ETNK1: variants seen among roughly 807,000 people sequenced by gnomAD.
ETNK1 encodes the protein ethanolamine kinase 1, also known as putative protein product of Nbla10396.
ETNK1 carries 8 observed loss-of-function variants against 45.1 expected under a neutral mutation model. The observed-to-expected ratio is 0.18, with a 90% confidence interval of 0.10 to 0.32. ETNK1 has a LOEUF of 0.32. Ranked by LOEUF, ETNK1 falls within the 10% of genes least tolerant of loss-of-function variation. The pLI, the probability that ETNK1 is intolerant of heterozygous loss-of-function variation, is 1.00. For missense variants in ETNK1, 302 were observed against 430.6 expected (o/e 0.70, Z 2.64); for synonymous variants, 152 against 151.9 (o/e 1.00, Z -0.01).
At chr12:22,656,257 A>G (rs1158704240) in intron 2 of ETNK1, among the ~76,000 whole-genome samples, 1 of 152,204 alleles carries the variant, frequency 6.6e-6, no homozygotes, top group Non-Finnish European at 1.5e-5. Flanking sequence ...TCATCTTGAA[A>G]TATATATTTG....
At position 22,644,481 on chromosome 12, in the gene ETNK1, CAT is replaced by C. The variant is rs879567987; in HGVS notation, c.416+464_416+465del. 98 of 730,734 alleles carry C rather than the reference CAT, an allele frequency of 1.3e-4. No individual in the cohort carries two copies. In the Middle Eastern group the frequency reaches 2.9e-3, roughly 22 times the overall value. 45.3% of individuals were successfully genotyped at this position (730,734 alleles called of 1,614,324 possible). A position where few individuals can be genotyped will look rare whatever the true frequency, so the allele number is the denominator to read the frequency against. The stretch of plus-strand genomic sequence containing the variant: ...TTATGTTTTCTATAAAGAATAATGT[CAT>C]ATATGCTTGATCATTTTTCCAAAAT... On this transcript the variant is annotated intron_variant, in intron 2 of 7. Coordinates refer to ENST00000266517, the MANE Select transcript of ETNK1 (RefSeq NM_018638.5).
At position 22,661,064 on chromosome 12, in the gene ETNK1, T is replaced by G; in HGVS notation, c.559T>G (p.Phe187Val). The G allele has an allele frequency of 6.2e-7, 1 of 1,605,050 alleles. No homozygotes were observed. Among genetic ancestry groups the G allele is most frequent in the South Asian group, 1.1e-5 (1 of 88,742 alleles). ...GFADEDINKRFLSDIPSSQIL... is the reference protein window; with the variant it reads ...GFADEDINKRVLSDIPSSQIL... ...TAACTCTTCTTTTAAAACTAAAAGG[T>G]TCCTAAGTGATATCCCAAGCTCTCA... The change falls in exon 4 of 8, where the codon TTC becomes GTC. Residue 187 changes from phenylalanine to valine, a missense_variant and splice_region_variant. Phe to Val is a conservative substitution (Grantham distance 50). Around this residue, in one of 3 missense-constraint regions of ETNK1, gnomAD observed 205 missense variants for 259.9 expected, o/e 0.79. Transcript: ENST00000266517.
At chr12:22,678,758 T>C (rs1954185908) in intron 6 of ETNK1, among the ~76,000 whole-genome samples, 1 of 152,240 alleles carries the variant, frequency 6.6e-6, no homozygotes, top group Non-Finnish European at 1.5e-5. Flanking sequence ...TTGAAGTTCC[T>C]GGACACAAGA....
At chr12:22,629,763 A>G (rs1471833165) in intron 1 of ETNK1, among the ~76,000 whole-genome samples, 3 of 152,192 alleles carry the variant, frequency 2.0e-5, no homozygotes, top group Admixed American at 2.0e-4. Context: ...TAAACAATAT[A>G]TTAGTTTACT....
At chr12:22,645,198 A>C (rs1193469650) in intron 2 of ETNK1, among the ~76,000 whole-genome samples, 1 of 151,814 alleles carries the variant, frequency 6.6e-6, no homozygotes, top group Non-Finnish European at 1.5e-5. Flanking sequence ...TGGTTGACAA[A>C]TACCTATATA....
chr12:22,635,728 T>A (rs1294392879), intron 1 of ETNK1, among the ~76,000 whole-genome samples: 2 of 152,160 alleles, frequency 1.3e-5, no homozygotes, highest in African/African-American at 4.8e-5. Flanking sequence ...AACATAAAAA[T>A]TTATTATCTT....
At chr12:22,659,705 G>A (rs1174052658) in intron 3 of ETNK1, among the ~76,000 whole-genome samples, 2 of 152,116 alleles carry the variant, frequency 1.3e-5, no homozygotes, top group African/African-American at 4.8e-5. Flanking sequence ...TTAAAACAGT[G>A]CCTGGTCATC....
intron 4 of ETNK1, among the ~76,000 whole-genome samples, chr12:22,665,500 T>G (rs1954045368): frequency 6.6e-6 from 1 of 152,158 alleles, no homozygotes; most frequent in Non-Finnish European, 1.5e-5. Flanking sequence ...CAGCTCTTAG[T>G]TGTAGCTATT....
intron 2 of ETNK1, among the ~76,000 whole-genome samples, chr12:22,651,995 C>A (rs1953883466): frequency 6.6e-6 from 1 of 151,998 alleles, no homozygotes; most frequent in Non-Finnish European, 1.5e-5. Context: ...CAATTCTATG[C>A]TTTTTAAACA....
chr12:22,658,443 A>G (rs1267125898), intron 2 of ETNK1, among the ~76,000 whole-genome samples: 1 of 152,230 alleles, frequency 6.6e-6, no homozygotes, highest in Non-Finnish European at 1.5e-5. Context: ...AGGTGCAAAC[A>G]TAGGGTCCTG....
chr12:22,682,748 G>A (rs949622410), intron 6 of ETNK1, among the ~76,000 whole-genome samples: 1 of 152,128 alleles, frequency 6.6e-6, no homozygotes, highest in African/African-American at 2.4e-5. Flanking sequence ...TAAGGTAACA[G>A]TAGTTTCACC....
rs1456608680 is a variant in ETNK1, at chr12:22,685,427, T to C, written c.*473T>C. 3 of 152,156 alleles carry C rather than the reference T, an allele frequency of 2.0e-5. No homozygotes were observed. Among genetic ancestry groups the C allele is most frequent in the Admixed American group, 2.0e-4 (3 of 15,262 alleles). 9.4% of individuals were successfully genotyped at this position (152,156 alleles called of 1,614,324 possible). ...GATGCATTGTAAGTAAAATGAATCA[T>C]TTACTCTTGAAATGCCAGTCATTGA... On this transcript the variant is annotated 3_prime_UTR_variant, in exon 8 of 8. Transcript: ENST00000266517.
Position 22,625,322 on chromosome 12 carries a change from C to T in ETNK1, c.-109C>T. 1.3e-6 allele frequency: 2 copies of T among 1,597,536 alleles called. No homozygotes were observed. Among genetic ancestry groups the T allele is most frequent in the Non-Finnish European group, 1.7e-6 (2 of 1,173,590 alleles). On this transcript the variant is annotated 5_prime_UTR_variant, in exon 1 of 8. Transcript: ENST00000266517. ...CGCCCGTCCCAGCGCCCCCAGCCCT[C>T]CCGCGAGGGCGCCCCGGGACGGAAG...
intron 6 of ETNK1, among the ~76,000 whole-genome samples, chr12:22,680,288 T>C (rs1395894085): frequency 2.0e-5 from 3 of 152,202 alleles, no homozygotes; most frequent in African/African-American, 7.2e-5. Flanking sequence ...GCCTTCAGTT[T>C]TTTTTGTTGT....
At position 22,644,028 on chromosome 12, in the gene ETNK1, T is replaced by C; in HGVS notation, c.416+6T>C. ...TGCAACCCAGCCATTTTCAGGTACA[T>C]TTTCTTTTCTGAATTTTTCCTTTTG... On this transcript the variant is annotated splice_donor_region_variant and intron_variant, in intron 2 of 7. Coordinates refer to ENST00000266517, the MANE Select transcript of ETNK1 (RefSeq NM_018638.5). The C allele has an allele frequency of 6.4e-7, 1 of 1,553,038 alleles. No individual in the cohort carries two copies. Among genetic ancestry groups the C allele is most frequent in the Non-Finnish European group, 8.7e-7 (1 of 1,151,774 alleles).
In ETNK1 at chr12:22,625,506, G is replaced by A; in HGVS notation, c.76G>A (p.Glu26Lys). ...KLNVTVQDQEEHRCREGALSL... is the reference protein window; with the variant it reads ...KLNVTVQDQEKHRCREGALSL... ...GAACGTCACCGTTCAGGATCAGGAG[G>A]AGCATCGCTGCCGGGAGGGGGCCCT... Residue 26 changes from glutamate to lysine, a missense_variant, in exon 1 of 8, where the codon GAG becomes AAG. Glu to Lys is a moderately conservative substitution (Grantham distance 56, BLOSUM62 1). Transcript: ENST00000266517. The A allele has an allele frequency of 6.2e-7, 1 of 1,606,328 alleles. No homozygotes were observed. The highest frequency in any genetic ancestry group is 8.5e-7 in the Non-Finnish European group (1 of 1,177,008).
intron 1 of ETNK1, among the ~76,000 whole-genome samples, chr12:22,629,365 A>C (rs1281115335): frequency 6.6e-6 from 1 of 152,142 alleles, no homozygotes; most frequent in Non-Finnish European, 1.5e-5. Flanking sequence ...ATTTTAAAAA[A>C]TCTTTTCATC....
intron 5 of ETNK1, among the ~76,000 whole-genome samples, chr12:22,672,016 C>T (rs192769292): frequency 2.8e-4 from 42 of 152,042 alleles, no homozygotes; most frequent in Non-Finnish European, 4.6e-4. Flanking sequence ...TCACCAAGGT[C>T]ACAGTAAAAT....
chr12:22,626,411 CT>C, intron 1 of ETNK1, among the ~76,000 whole-genome samples: 1 of 142,228 alleles, frequency 7.0e-6, no homozygotes, highest in Non-Finnish European at 1.6e-5. Context: ...TCTTTTTCTC[CT>C]TTTCCCTTGC....
Sources: gnomAD v4.1 joint callset for allele counts (sites outside exome capture counted in the v4.1 genomes callset) on GRCh38, gnomAD v4.1.1 for gene constraint, gnomAD v4.1.1 regional missense constraint, MANE v1.5 for transcripts, NCBI Gene and HGNC (gene_info 2026-07-23, HGNC 2026-07-21) for gene names.